The following PPP2R3B variants were observed in gnomAD, a reference collection of about 807,000 sequenced individuals.
The protein encoded by PPP2R3B is serine/threonine-protein phosphatase 2A regulatory subunit B'' subunit beta.
PPP2R3B carries 68 observed loss-of-function variants against 72.9 expected under a neutral mutation model. The ratio of observed to expected loss-of-function variants is 0.93; its 90% CI spans 0.77 to 1.14. The LOEUF is 1.14. Ranked by LOEUF, PPP2R3B falls within the 50% of genes most tolerant of loss-of-function variation. The pLI is 0.00. For synonymous variants in PPP2R3B, 466 were observed against 375.8 expected (o/e 1.24, Z -2.78); for missense variants, 1,018 against 842.0 (o/e 1.21, Z -2.59).
intron 7 of PPP2R3B, chrX:342,229 G>A (rs1418012171): frequency 3.7e-5 from 21 of 569,970 alleles, no homozygotes; most frequent in Admixed American, 2.8e-4. Context: ...TTCAGACGGA[G>A]AGAGAGACCT....
chrX:373,945 C>G (rs1274285191), intron 1 of PPP2R3B: 1 of 153,232 alleles, frequency 6.5e-6, no homozygotes, highest in Non-Finnish European at 1.5e-5. Context: ...CCTGCACTGC[C>G]CTCCGCTCCC....
chrX:347,472 C>T (rs182858402), intron 3 of PPP2R3B, 118 bp downstream of exon 3: 18 of 1,350,828 alleles, frequency 1.3e-5, no homozygotes, highest in Middle Eastern at 2.4e-4. Flanking sequence ...GGCCTGTGCC[C>T]GTACAAGGGT....
chrX:369,257 A>G (rs1244384918), intron 1 of PPP2R3B, among the ~76,000 whole-genome samples: 5 of 152,226 alleles, frequency 3.3e-5, no homozygotes, highest in Non-Finnish European at 7.3e-5. Flanking sequence ...TAAAAAGTTC[A>G]GACAAACCAG....
chrX:341,662 G>A, intron 8 of PPP2R3B: 1 of 658,386 alleles, frequency 1.5e-6, no homozygotes, highest in East Asian at 2.7e-5. Context: ...CCCGACCTGG[G>A]GCCTGGGCCA....
At chrX:334,734 C>A (rs1486119506) in intron 12 of PPP2R3B, 5 of 529,628 alleles carry the variant, frequency 9.4e-6, no homozygotes, top group Non-Finnish European at 1.6e-5. Flanking sequence ...CAGGTGAAAA[C>A]CCACCCAGGA....
At chrX:338,997 G>C in intron 10 of PPP2R3B, 101 bp from the exon 11 acceptor site, 1 of 949,540 alleles carries the variant, frequency 1.1e-6, no homozygotes, top group Non-Finnish European at 1.7e-6. Flanking sequence ...TAAGGACGCG[G>C]CACGAAGCTC....
Position 338,761 on chromosome X carries a change from G to A in PPP2R3B, c.1470+17C>T, listed in dbSNP as rs371339059. On this transcript the variant is annotated intron_variant, in intron 11 of 12. Coordinates refer to ENST00000390665, the MANE Select transcript of PPP2R3B (RefSeq NM_013239.5). ...CACGGCGTGGCGCGGCCCGGCCCGCGTGCCCGCCGCACTCACCCTGAGCAG... is the reference window on the plus strand; with the variant it reads ...CACGGCGTGGCGCGGCCCGGCCCGCATGCCCGCCGCACTCACCCTGAGCAG... 8.3e-5 allele frequency: 133 copies of A among 1,611,846 alleles called. No homozygotes were observed. In the African/African-American group the frequency reaches 1.4e-3, roughly 17 times the overall value.
At chrX:344,513 T>C (rs2071153935) in intron 7 of PPP2R3B, among the ~76,000 whole-genome samples, 1 of 152,256 alleles carries the variant, frequency 6.6e-6, no homozygotes, top group Non-Finnish European at 1.5e-5. Context: ...GCACACGGCA[T>C]CCTGCCCTGG....
chrX:347,454 G>C, intron 3 of PPP2R3B, 118 bp from the exon 4 acceptor site: 1 of 1,342,912 alleles, frequency 7.4e-7, no homozygotes. Context: ...GGCCACACAC[G>C]ACGGCCAGGC....
At chrX:364,585 G>GCGCAT (rs1341899290) in intron 1 of PPP2R3B, among the ~76,000 whole-genome samples, 1 of 146,704 alleles carries the variant, frequency 6.8e-6, no homozygotes, top group Non-Finnish European at 1.5e-5. Flanking sequence ...GGGTGTGGTG[G>GCGCAT]AGGGTGCCTG....
In PPP2R3B at chrX:386,547, G is replaced by T; in HGVS notation, c.145C>A (p.Pro49Thr). 7.0e-7 allele frequency: 1 copy of T among 1,433,070 alleles called. No homozygotes were observed. The allele number at this position is 1,433,070 out of a possible 1,614,324, so 88.8% of individuals were successfully genotyped here. The change falls in exon 1 of 13, where the codon CCG (proline) becomes ACG (threonine). Residue 49 changes from proline (P) to threonine (T), a missense_variant. Transcript: ENST00000390665. ...IKAPGRDQPT[P>T]GDGEQPGAWP... is the part of the protein sequence containing the mutation. Reference sequence around the variant, plus strand: ...GCCCCGGGCTGCTCCCCGTCCCCCGGGGTCGGCTGGTCCCGCCCGGGCGCC... The same window carrying T: ...GCCCCGGGCTGCTCCCCGTCCCCCGTGGTCGGCTGGTCCCGCCCGGGCGCC...
At chrX:383,074 G>C (rs946344209) in intron 1 of PPP2R3B, among the ~76,000 whole-genome samples, 2 of 152,188 alleles carry the variant, frequency 1.3e-5, no homozygotes, top group Non-Finnish European at 2.9e-5. Context: ...CTGGGGCCCT[G>C]AGTCCCCTCC....
In PPP2R3B at chrX:334,419, G is replaced by A; in HGVS notation, c.1676C>T (p.Ala559Val). ...PFFEAPSPLG[A>V]VDLYEYACGD... Reference sequence around the variant, plus strand: ...GCATGCGTACTCGTACAGGTCCACGGCGCCCAGCGGTGAGGGCGCCTCGAA... The same window carrying A: ...GCATGCGTACTCGTACAGGTCCACGACGCCCAGCGGTGAGGGCGCCTCGAA... Residue 559 changes from alanine to valine, a missense_variant, in exon 13 of 13, where the codon GCC (alanine) becomes GTC (valine). Coordinates refer to ENST00000390665, the MANE Select transcript of PPP2R3B (RefSeq NM_013239.5). 1.9e-6 allele frequency: 3 copies of A among 1,591,912 alleles called. No homozygotes were observed. The highest frequency in any genetic ancestry group is 2.6e-6 in the Non-Finnish European group (3 of 1,174,866).
rs751654213 is a variant in PPP2R3B at position 361,392 on chromosome X, G to A, written c.510+13C>T. 30 of 1,613,654 alleles carry A rather than the reference G, an allele frequency of 1.9e-5. No individual in the cohort carries two copies. The highest frequency in any genetic ancestry group is 1.3e-4 in the African/African-American group (10 of 74,938). ...CCACCTCGGCTGCTCCACGTCCCAC[G>A]CGTGACACGTACCTTGGCCACCAGG... On this transcript the variant is annotated intron_variant, in intron 2 of 12. Coordinates refer to ENST00000390665, the MANE Select transcript of PPP2R3B (RefSeq NM_013239.5).
chrX:362,784 G>A (rs753742280), intron 1 of PPP2R3B, among the ~76,000 whole-genome samples: 13 of 152,094 alleles, frequency 8.5e-5, no homozygotes, highest in African/African-American at 2.4e-4. Context: ...AAAACAGCCC[G>A]CCCTGCTACT....
At chrX:336,791 C>G (rs541957954) in intron 12 of PPP2R3B, 2 of 152,340 alleles carry the variant, frequency 1.3e-5, no homozygotes, top group African/African-American at 2.4e-5. Flanking sequence ...AGGAAACACT[C>G]AGAAGTCTCA....
intron 5 of PPP2R3B, chrX:346,487 A>T: frequency 1.6e-6 from 1 of 624,564 alleles, no homozygotes; most frequent in Non-Finnish European, 2.7e-6. Flanking sequence ...GGCCCAGGAC[A>T]GGTGGGAAGG....
At chrX:339,122 C>A (rs2124567656) in intron 10 of PPP2R3B, among the ~76,000 whole-genome samples, 1 of 130,950 alleles carries the variant, frequency 7.6e-6, no homozygotes, top group East Asian at 2.4e-4. Flanking sequence ...GCCACCGGTG[C>A]CCCAAGGATG....
At chrX:339,058 T>C (rs2738372) in intron 10 of PPP2R3B, among the ~76,000 whole-genome samples, 162 bp from the exon 11 acceptor site, 120,352 of 151,928 alleles carry the variant, frequency 0.79, 47,912 homozygotes, top group Middle Eastern at 0.85. Context: ...GCGAGTGTCC[T>C]GGTTCTGGGT....
Sources: gnomAD v4.1 joint callset for allele counts (sites outside exome capture counted in the v4.1 genomes callset) on GRCh38, gnomAD v4.1.1 for gene constraint, MANE v1.5 for transcripts, NCBI Gene and HGNC (gene_info 2026-07-23, HGNC 2026-07-21) for gene names.